The following LRP1B variants were observed in gnomAD, a reference collection of about 807,000 sequenced individuals.
LRP1B encodes the protein low-density lipoprotein receptor-related protein 1B.
In LRP1B, 217 loss-of-function variants were observed where a neutral mutation model predicts 556.6. The ratio of observed to expected loss-of-function variants is 0.39; its 90% CI spans 0.35 to 0.44. The LOEUF (loss-of-function observed/expected upper bound fraction) is 0.44. Ranked by LOEUF, LRP1B falls within the 20% of genes least tolerant of loss-of-function variation. LRP1B has a pLI of 1.00. For missense variants in LRP1B, 5,053 were observed against 5,620.8 expected (o/e 0.90, Z 3.23); for synonymous variants, 2,047 against 1,865.8 (o/e 1.10, Z -2.50).
At chr2:141,957,574 A>T (rs1701292344) in intron 1 of LRP1B, among the ~76,000 whole-genome samples, 1 of 151,954 alleles carries the variant, frequency 6.6e-6, no homozygotes, top group African/African-American at 2.4e-5. Context: ...CTCTCACTTG[A>T]CAGACACATT....
intron 1 of LRP1B, among the ~76,000 whole-genome samples, chr2:142,128,938 G>A (rs1707754719): frequency 1.3e-5 from 2 of 152,108 alleles, no homozygotes; most frequent in African/African-American, 4.8e-5. Flanking sequence ...TCCAATCATG[G>A]TAGCAGTAGT....
chr2:140,394,327 G>C (rs1684160645), intron 66 of LRP1B, among the ~76,000 whole-genome samples: 1 of 152,040 alleles, frequency 6.6e-6, no homozygotes, highest in African/African-American at 2.4e-5. Flanking sequence ...CTGCCCTAGA[G>C]CACAGTTGGT....
chr2:141,374,422 T>C (rs2105599320), intron 3 of LRP1B, among the ~76,000 whole-genome samples: 1 of 152,312 alleles, frequency 6.6e-6, no homozygotes, highest in African/African-American at 2.4e-5. Flanking sequence ...TCTAAATCTC[T>C]TGCTAGAGTT....
At chr2:141,317,465 C>G (rs976717679) in intron 3 of LRP1B, among the ~76,000 whole-genome samples, 1 of 152,044 alleles carries the variant, frequency 6.6e-6, no homozygotes, top group African/African-American at 2.4e-5. Flanking sequence ...GAATTAGGGT[C>G]CCACCCTTAT....
intron 66 of LRP1B, among the ~76,000 whole-genome samples, chr2:140,387,667 T>C (rs1195192771): frequency 1.3e-5 from 2 of 152,118 alleles, no homozygotes; most frequent in Non-Finnish European, 2.9e-5. Flanking sequence ...CAATGTTTTC[T>C]GCTTTATATT....
rs567558439 is a variant in LRP1B, at chr2:140,615,336, C to A, written c.6800-13697G>T. Reference sequence around the variant, plus strand: ...CAATCATCATTCCCCATTCCCTAGTCCCCTGACTGCCAAACTATCTTCAAT... The same window carrying A: ...CAATCATCATTCCCCATTCCCTAGTACCCTGACTGCCAAACTATCTTCAAT... On this transcript the variant is annotated intron_variant, in intron 41 of 90. Coordinates refer to ENST00000389484, the MANE Select transcript of LRP1B (RefSeq NM_018557.3). 2.0e-5 allele frequency among the ~76,000 whole-genome samples: 3 copies of A among 152,194 alleles called. No homozygotes were observed. The South Asian group carries it at 6.2e-4, about 32-fold the overall frequency.
chr2:140,654,907 C>T (rs1246247977), intron 41 of LRP1B, among the ~76,000 whole-genome samples: 1 of 152,090 alleles, frequency 6.6e-6, no homozygotes, highest in Admixed American at 6.6e-5. Flanking sequence ...ATGCTTTTTC[C>T]CACACACCAG....
chr2:141,992,439 C>CT (rs1467977613), intron 1 of LRP1B, among the ~76,000 whole-genome samples: 3 of 152,216 alleles, frequency 2.0e-5, no homozygotes, highest in Non-Finnish European at 2.9e-5. Context: ...AAAGGCCTGA[C>CT]TTTTTTACCA....
chr2:141,695,475 T>C (rs1281529396), intron 2 of LRP1B, among the ~76,000 whole-genome samples: 1 of 151,932 alleles, frequency 6.6e-6, no homozygotes, highest in Non-Finnish European at 1.5e-5. Flanking sequence ...ATCTTCACAA[T>C]AAATTTATAA....
At chr2:140,647,309 T>G (rs991205023) in intron 41 of LRP1B, among the ~76,000 whole-genome samples, 4 of 152,234 alleles carry the variant, frequency 2.6e-5, no homozygotes, top group African/African-American at 9.6e-5. Flanking sequence ...CAACCCTTTA[T>G]GCTTTACATC....
intron 41 of LRP1B, among the ~76,000 whole-genome samples, chr2:140,698,308 GTC>G (rs1260135877): frequency 2.0e-5 from 3 of 151,956 alleles, no homozygotes; most frequent in African/African-American, 7.2e-5. Flanking sequence ...AGACTCCAGA[GTC>G]TGTGTATGTG....
At chr2:141,819,285 G>GA (rs985295117) in intron 1 of LRP1B, among the ~76,000 whole-genome samples, 1 of 151,846 alleles carries the variant, frequency 6.6e-6, no homozygotes, top group Non-Finnish European at 1.5e-5. Flanking sequence ...CTTTCCCAGT[G>GA]AACTTTTTCT....
chr2:141,245,163 T>C (rs893068554), intron 5 of LRP1B, among the ~76,000 whole-genome samples: 4 of 152,164 alleles, frequency 2.6e-5, no homozygotes, highest in African/African-American at 9.7e-5. Context: ...ATATTTTACA[T>C]CAGAACTCTG....
rs755751385 is a variant in LRP1B at position 140,509,942 on chromosome 2, G to A, written c.8384C>T (p.Ser2795Phe). The change falls in exon 52 of 91, where the codon TCC (serine) becomes TTC (phenylalanine). Residue 2795 changes from serine (S) to phenylalanine (F), a missense_variant. This residue lies in a region of LRP1B where 3,619 missense variants were observed against 3,931.9 expected (regional missense o/e 0.92). Coordinates refer to ENST00000389484, the MANE Select transcript of LRP1B (RefSeq NM_018557.3). ...RDCPDGSDEL[S>F]TAGCAPNNTC... ...AGTGTTCATACCGCAGCCTGCTGTG[G>A]AAAGCTCATCGCTTCCATCTGGACA... The A allele has an allele frequency of 6.2e-7, 1 of 1,613,780 alleles. No individual in the cohort carries two copies. The highest frequency in any genetic ancestry group is 2.2e-5 in the East Asian group (1 of 44,876).
At chr2:141,221,341 A>G (rs13019225) in intron 6 of LRP1B, among the ~76,000 whole-genome samples, 6,825 of 151,956 alleles carry the variant, frequency 0.045, 218 homozygotes, top group Non-Finnish European at 0.073. Flanking sequence ...AAAGGGTTGA[A>G]TTCAACAAGA....
At chr2:141,909,526 ATTTT>A (rs377577096) in intron 1 of LRP1B, among the ~76,000 whole-genome samples, 13 of 93,400 alleles carry the variant, frequency 1.4e-4, no homozygotes, top group African/African-American at 5.6e-4. Flanking sequence ...GGTCTCAGAC[ATTTT>A]TTTTTTTTTT....
intron 1 of LRP1B, among the ~76,000 whole-genome samples, chr2:141,879,490 C>A (rs1318269476): frequency 6.6e-6 from 1 of 151,708 alleles, no homozygotes; most frequent in Non-Finnish European, 1.5e-5. Context: ...AATAATACAT[C>A]TTTATTTTAA....
At chr2:140,634,009 C>T (rs1195509592) in intron 41 of LRP1B, among the ~76,000 whole-genome samples, 2 of 152,052 alleles carry the variant, frequency 1.3e-5, no homozygotes, top group East Asian at 1.9e-4. Context: ...AGGAAAACGG[C>T]AGACCAATGT....
intron 2 of LRP1B, among the ~76,000 whole-genome samples, chr2:141,702,971 C>A (rs1218526400): frequency 6.6e-6 from 1 of 151,832 alleles, no homozygotes; most frequent in East Asian, 1.9e-4. Context: ...GAAAGTCATG[C>A]CTCACCAAAT....
Sources: allele counts gnomAD v4.1 joint callset (sites outside exome capture counted in the v4.1 genomes callset), GRCh38; gene constraint gnomAD v4.1.1; regional missense constraint gnomAD v4.1.1; transcripts MANE v1.5; gene names NCBI Gene and HGNC (gene_info 2026-07-23, HGNC 2026-07-21).